IGF1R: variants seen among roughly 807,000 people sequenced by gnomAD.
IGF1R encodes the protein insulin like growth factor 1 receptor.
IGF1R carries 44 observed loss-of-function variants against 144.6 expected under a neutral mutation model. That is an observed-to-expected ratio of 0.30 (90% CI 0.24 to 0.39). IGF1R has a LOEUF of 0.39. Ranked by LOEUF, IGF1R falls within the 10% of genes least tolerant of loss-of-function variation. IGF1R has a pLI of 1.00. For missense variants in IGF1R, 1,355 were observed against 1,833.7 expected (o/e 0.74, Z 4.77); for synonymous variants, 795 against 722.8 (o/e 1.10, Z -1.60).
chr15:98,742,304 T>A (rs1252701932), intron 2 of IGF1R, among the ~76,000 whole-genome samples: 1 of 152,180 alleles, frequency 6.6e-6, no homozygotes, highest in Non-Finnish European at 1.5e-5. Flanking sequence ...CATGGATAAA[T>A]GATGAATTTA....
rs149319277 is a variant in IGF1R, at chr15:98,809,377, G to A, written c.641-81948G>A. Among the ~76,000 whole-genome samples, 459 of 152,316 alleles carry A rather than the reference G, an allele frequency of 3.0e-3. 1 individual carries two copies. Among genetic ancestry groups the A allele is most frequent in the African/African-American group, 0.01 (433 of 41,576 alleles). ...AGAGCCTGCAAGGGCTTCCTTCTGC[G>A]AAGGTGAGTCTGGGAGAGACGCCAT... On this transcript the variant is annotated intron_variant, in intron 2 of 20. Transcript: ENST00000650285.
intron 1 of IGF1R, among the ~76,000 whole-genome samples, chr15:98,686,128 G>A (rs573113285): frequency 3.3e-4 from 50 of 152,240 alleles, no homozygotes; most frequent in African/African-American, 8.4e-4. Context: ...AAGTGGACTC[G>A]TACACTATTT....
intron 1 of IGF1R, among the ~76,000 whole-genome samples, chr15:98,696,611 G>T (rs546038220): frequency 6.6e-5 from 10 of 152,340 alleles, no homozygotes; most frequent in African/African-American, 2.4e-4. Flanking sequence ...CTTTGTAGCA[G>T]TGTTTTTCTT....
chr15:98,824,930 G>T (rs976784114), intron 2 of IGF1R, among the ~76,000 whole-genome samples: 1 of 151,464 alleles, frequency 6.6e-6, no homozygotes, highest in African/African-American at 2.4e-5. Context: ...TCTGCCTTCC[G>T]GGTTCAAGCG....
At chr15:98,824,983 C>T (rs1318749863) in intron 2 of IGF1R, among the ~76,000 whole-genome samples, 4 of 152,002 alleles carry the variant, frequency 2.6e-5, no homozygotes, top group African/African-American at 4.8e-5. Context: ...ATTACAGGCA[C>T]GCGCCATCAC....
At chr15:98,817,012 TTTC>T (rs2056708250) in intron 2 of IGF1R, among the ~76,000 whole-genome samples, 1 of 152,132 alleles carries the variant, frequency 6.6e-6, no homozygotes, top group Non-Finnish European at 1.5e-5. Context: ...ACAGAAAAGA[TTTC>T]TTCAATGCTG....
At chr15:98,778,621 C>A (rs1337518829) in intron 2 of IGF1R, among the ~76,000 whole-genome samples, 2 of 152,210 alleles carry the variant, frequency 1.3e-5, no homozygotes, top group Admixed American at 1.3e-4. Flanking sequence ...GTGGCCATAT[C>A]CTGATTTCCC....
intron 3 of IGF1R, among the ~76,000 whole-genome samples, chr15:98,896,486 A>G (rs2151651313): frequency 6.6e-6 from 1 of 152,038 alleles, no homozygotes; most frequent in Non-Finnish European, 1.5e-5. Flanking sequence ...ATGACACACA[A>G]ATGCCTTGAG....
chr15:98,891,520 G>A lies in IGF1R; in HGVS notation c.836G>A (p.Arg279His), dbSNP rs778765650. 10 of 1,613,268 alleles carry A rather than the reference G, an allele frequency of 6.2e-6. No individual in the cohort carries two copies. In the African/African-American group the frequency reaches 8.0e-5, roughly 13 times the overall value. The change falls in exon 3 of 21, where the codon CGT becomes CAT. Residue 279 changes from arginine to histidine, a missense_variant. Physicochemically the swap from Arg to His is conservative, Grantham distance 29 (BLOSUM62 0). This residue lies in a region of IGF1R where 880 missense variants were observed against 1,202.7 expected (regional missense o/e 0.73). Coordinates refer to ENST00000650285, the MANE Select transcript of IGF1R (RefSeq NM_000875.5). This position sits in a 1 kb window ranked among gnomAD's most constrained non-coding sequence, Gnocchi z 4.7. ...TTTGAGGGCTGGCGCTGTGTGGACCGTGACTTCTGCGCCAACATCCTCAGC... is the reference window on the plus strand; with the variant it reads ...TTTGAGGGCTGGCGCTGTGTGGACCATGACTTCTGCGCCAACATCCTCAGC... Reference protein sequence around the residue: ...YRFEGWRCVDRDFCANILSAE... With the variant: ...YRFEGWRCVDHDFCANILSAE...
At chr15:98,745,368 G>T (rs369979881) in intron 2 of IGF1R, among the ~76,000 whole-genome samples, 13 of 152,362 alleles carry the variant, frequency 8.5e-5, no homozygotes, top group African/African-American at 3.1e-4. Flanking sequence ...CCATGTGGTT[G>T]TGTGTCATCG....
At chr15:98,925,561 T>C (rs1043805323) in intron 13 of IGF1R, among the ~76,000 whole-genome samples, 2 of 152,222 alleles carry the variant, frequency 1.3e-5, no homozygotes, top group African/African-American at 4.8e-5. Flanking sequence ...AGTGGGCTGA[T>C]CTTTCCTGGT....
chr15:98,915,933 T>A, intron 8 of IGF1R, 31 bp from the exon 9 acceptor site: 2 of 1,610,266 alleles, frequency 1.2e-6, no homozygotes, highest in Non-Finnish European at 8.5e-7. Context: ...TTCATTTCAT[T>A]TTCTAGAATG....
intron 18 of IGF1R, 63 bp downstream of exon 18, chr15:98,939,423 G>C: frequency 6.5e-7 from 1 of 1,527,446 alleles, no homozygotes; most frequent in South Asian, 1.1e-5. Flanking sequence ...GGACTTTGTT[G>C]GCATTAGTCT....
In IGF1R at chr15:98,845,191, G is replaced by C. The variant is rs868661340; in HGVS notation, c.641-46134G>C. Among the ~76,000 whole-genome samples, 5 of 152,262 alleles carry C rather than the reference G, an allele frequency of 3.3e-5. No individual in the cohort carries two copies. The South Asian group carries it at 1.0e-3, about 32-fold the overall frequency. ...ATATGTTTCTAATACTTTATTCAAT[G>C]TATGTTGTTAACAGTGTAGACACTC... On this transcript the variant is annotated intron_variant, in intron 2 of 20. Coordinates refer to ENST00000650285, the MANE Select transcript of IGF1R (RefSeq NM_000875.5).
chr15:98,884,227 C>T (rs1359939507), intron 2 of IGF1R, among the ~76,000 whole-genome samples: 1 of 152,148 alleles, frequency 6.6e-6, no homozygotes, highest in Admixed American at 6.5e-5. Flanking sequence ...TCCCCCACAC[C>T]CAACCCACAG....
rs1179908322 is a variant in IGF1R at position 98,922,143 on chromosome 15, T to C, written c.2202-5T>C. 5.6e-6 allele frequency: 9 copies of C among 1,614,148 alleles called. No individual in the cohort carries two copies. Among genetic ancestry groups the C allele is most frequent in the Non-Finnish European group, 6.8e-6 (8 of 1,180,012 alleles). On this transcript the variant is annotated splice_polypyrimidine_tract_variant and splice_region_variant and intron_variant, in intron 10 of 20. Coordinates refer to ENST00000650285, the MANE Select transcript of IGF1R (RefSeq NM_000875.5). ...TTAAAAGCCACATTTCTCTCCTCCT[T>C]GCAGACCTGAAAGGAAGCGGAGAGA...
At chr15:98,817,119 A>G (rs1487680559) in intron 2 of IGF1R, among the ~76,000 whole-genome samples, 3 of 152,026 alleles carry the variant, frequency 2.0e-5, no homozygotes, top group Non-Finnish European at 2.9e-5. Flanking sequence ...CCTGGCCAAC[A>G]TGGTGAAACC....
At chr15:98,838,048 T>C (rs2011118210) in intron 2 of IGF1R, among the ~76,000 whole-genome samples, 2 of 152,240 alleles carry the variant, frequency 1.3e-5, no homozygotes. Flanking sequence ...GTACTGATTT[T>C]TTTCATCCCT....
At chr15:98,843,685 T>C (rs1252517409) in intron 2 of IGF1R, among the ~76,000 whole-genome samples, 1 of 152,184 alleles carries the variant, frequency 6.6e-6, no homozygotes, top group Non-Finnish European at 1.5e-5. Context: ...CCATTTGAGC[T>C]TTCTTTTGTT....
Sources: gnomAD v4.1 joint callset for allele counts (sites outside exome capture counted in the v4.1 genomes callset) on GRCh38, gnomAD v4.1.1 for gene constraint, gnomAD v4.1.1 regional missense constraint, Gnocchi (gnomAD v3.1) non-coding constraint, MANE v1.5 for transcripts, NCBI Gene and HGNC (gene_info 2026-07-23, HGNC 2026-07-21) for gene names.